SETX: variants seen among roughly 807,000 people sequenced by gnomAD.
SETX encodes the protein helicase senataxin.
In SETX, 90 loss-of-function variants were observed where a neutral mutation model predicts 227.2. The observed-to-expected ratio is 0.40, with a 90% CI of 0.33 to 0.47. SETX has a LOEUF of 0.47. Among genes scored for constraint, SETX ranks in the 20% least tolerant of loss-of-function variants. SETX has a pLI of 0.91. For synonymous variants in SETX, 1,210 were observed against 1,113.2 expected, an observed-to-expected ratio of 1.09 and a Z score of -1.73; for missense variants, 3,052 against 3,181.5, an observed-to-expected ratio of 0.96 and a Z score of 0.98.
rs565735333 is a variant in SETX, at chr9:132,334,792, T to G, written c.719-65A>C. 5 of 1,565,564 alleles carry G rather than the reference T, an allele frequency of 3.2e-6. No homozygotes were observed. The South Asian group carries it at 3.3e-5, about 10-fold the overall frequency. ...ATACTATACTAATGCCTGGTTTAGT[T>G]TGCAAAAGAATAACAAGGCAGGAAG... On this transcript the variant is annotated intron_variant, in intron 6 of 25. Coordinates refer to ENST00000224140, the MANE Select transcript of SETX (RefSeq NM_015046.7).
chr9:132,307,216 T>C (rs1219440579), intron 11 of SETX, among the ~76,000 whole-genome samples: 1 of 152,176 alleles, frequency 6.6e-6, no homozygotes, highest in African/African-American at 2.4e-5. Flanking sequence ...GATCAGCTAC[T>C]GCACTCCAGC....
chr9:132,270,203 T>C (rs1344585874), intron 24 of SETX, among the ~76,000 whole-genome samples: 1 of 149,982 alleles, frequency 6.7e-6, no homozygotes, highest in African/African-American at 2.5e-5. Context: ...AGCGTGCCCA[T>C]GTGAGACACA....
chr9:132,345,773 T>C (rs1282175250), intron 4 of SETX, among the ~76,000 whole-genome samples: 1 of 152,186 alleles, frequency 6.6e-6, no homozygotes, highest in East Asian at 1.9e-4. Flanking sequence ...TCCCAGCAAT[T>C]TGGGAAGCTG....
chr9:132,300,860 A>T, intron 11 of SETX, 57 bp from the exon 12 acceptor site: 1 of 1,461,402 alleles, frequency 6.8e-7, no homozygotes, highest in Non-Finnish European at 9.3e-7. Context: ...ATTTTAAATA[A>T]GATTAACTTA....
intron 5 of SETX, among the ~76,000 whole-genome samples, chr9:132,340,900 C>A (rs1847918792): frequency 1.3e-5 from 2 of 152,136 alleles, no homozygotes. Context: ...TCCCACAGCC[C>A]ATTTTATTCT....
chr9:132,335,126 C>T (rs1691800299), intron 6 of SETX, among the ~76,000 whole-genome samples: 1 of 151,796 alleles, frequency 6.6e-6, no homozygotes, highest in South Asian at 2.1e-4. Flanking sequence ...CGTGGTGGCT[C>T]ACACCTGTAA....
chr9:132,313,332 A>AT (rs1845779115), intron 10 of SETX, among the ~76,000 whole-genome samples: 1 of 152,224 alleles, frequency 6.6e-6, no homozygotes, highest in African/African-American at 2.4e-5. Flanking sequence ...TTTACCTGAG[A>AT]GTACCTAGAA....
At chr9:132,321,575 T>C (rs1846335242) in intron 10 of SETX, among the ~76,000 whole-genome samples, 1 of 145,430 alleles carries the variant, frequency 6.9e-6, no homozygotes, top group Admixed American at 7.4e-5. Flanking sequence ...GAGAATGGCA[T>C]GAACCCAGGA....
chr9:132,274,937 G>A (rs747878860), intron 23 of SETX: 1 of 329,568 alleles, frequency 3.0e-6, no homozygotes, highest in African/African-American at 2.1e-5. Flanking sequence ...TTTATTTAAA[G>A]TGAAATGTTA....
At chr9:132,272,190 G>A (rs1050648690) in intron 23 of SETX, among the ~76,000 whole-genome samples, 3 of 152,102 alleles carry the variant, frequency 2.0e-5, no homozygotes, top group African/African-American at 7.2e-5. Context: ...GTTTTTGACA[G>A]TCTAGCCTCA....
rs1388509819 is a variant in SETX at position 132,342,814 on chromosome 9, A to G, written c.389-15T>C. The G allele has an allele frequency of 1.9e-6, 3 of 1,543,996 alleles. No homozygotes were observed. Among genetic ancestry groups the G allele is most frequent in the African/African-American group, 2.7e-5 (2 of 73,538 alleles). ...ACATAACTCGTCTAAAAAGAAAAAA[A>G]TAAGTAAAATACATAAATCTTATCA... is the stretch of plus-strand genomic sequence containing the variant. On this transcript the variant is annotated splice_polypyrimidine_tract_variant and intron_variant, in intron 4 of 25. Coordinates refer to ENST00000224140, the MANE Select transcript of SETX (RefSeq NM_015046.7).
intron 23 of SETX, among the ~76,000 whole-genome samples, chr9:132,272,419 G>T: frequency 6.6e-6 from 1 of 151,856 alleles, no homozygotes; most frequent in South Asian, 2.1e-4. Context: ...AAAATGTTAG[G>T]ATTATAGATG....
chr9:132,329,322 G>C lies in SETX; in HGVS notation c.2276C>G (p.Ser759Cys), dbSNP rs1847068557. 2 of 1,613,680 alleles carry C rather than the reference G, an allele frequency of 1.2e-6. No individual in the cohort carries two copies. The highest frequency in any genetic ancestry group is 1.1e-5 in the South Asian group (1 of 91,024). The change falls in exon 10 of 26, where the codon TCC (serine) becomes TGC (cysteine). Residue 759 changes from serine to cysteine, a missense_variant. Ser to Cys is a moderately radical substitution (Grantham distance 112). Transcript: ENST00000224140. ...DSSTDALEKV[S>C]TSNEDFSLKD... is the part of the protein sequence containing the mutation. ...TAAAGAGAAATCTTCATTCGATGTG[G>C]ACACTTTTTCCAAAGCATCAGTGCT...
At position 132,329,094 on chromosome 9, in the gene SETX, T is replaced by C; in HGVS notation, c.2504A>G (p.Asp835Gly). 1 of 1,610,330 alleles carries C rather than the reference T, an allele frequency of 6.2e-7. No homozygotes were observed. The highest frequency in any genetic ancestry group is 8.5e-7 in the Non-Finnish European group (1 of 1,179,478). Residue 835 changes from aspartate to glycine, a missense_variant, in exon 10 of 26, where the codon GAT (aspartate) becomes GGT (glycine). Physicochemically the swap from Asp to Gly is moderately conservative, Grantham distance 94 (BLOSUM62 -1). Transcript: ENST00000224140. ...TAAAGAAAGATTGTGTATGAAACCA[T>C]CTCCTTTCTGAACTCCTGTATCTTT... is the stretch of plus-strand genomic sequence containing the variant. ...SRKDTGVQKG[D>G]GFIHNLSLDP...
At chr9:132,331,205 T>C in intron 8 of SETX, 66 bp from the exon 9 acceptor site, 1 of 1,606,494 alleles carries the variant, frequency 6.2e-7, no homozygotes, top group South Asian at 1.1e-5. Flanking sequence ...AAACACCTCT[T>C]GTTAAGTAAT....
At chr9:132,282,869 T>C (rs1007782742) in intron 19 of SETX, 6 of 311,620 alleles carry the variant, frequency 1.9e-5, no homozygotes, top group Non-Finnish European at 3.8e-5. Context: ...TGACAAACAG[T>C]ACGTACCCAA....
At chr9:132,336,646 G>C in intron 5 of SETX, 131 bp from the exon 6 acceptor site, 1 of 725,124 alleles carries the variant, frequency 1.4e-6, no homozygotes, top group Admixed American at 2.1e-5. Context: ...GCAATGTGTG[G>C]ACCTTATTTG....
chr9:132,264,905 T>TG lies in SETX; in HGVS notation c.7367_7368insC (p.Arg2456SerfsTer3). The TG allele has an allele frequency of 6.2e-7, 1 of 1,614,144 alleles. No homozygotes were observed. The highest frequency in any genetic ancestry group is 8.5e-7 in the Non-Finnish European group (1 of 1,180,008). On this transcript the variant is annotated frameshift_variant, in exon 26 of 26. Transcript: ENST00000224140. LOFTEE classifies it low-confidence loss of function (END_TRUNC). ...GTTTCAGAATCTTCACTGCATCATG[T>TG]CTATAGTTTTTGTCACAGGTCTTAA...
Position 132,328,930 on chromosome 9 carries a change from G to C in SETX, c.2668C>G (p.His890Asp). 2.5e-6 allele frequency: 4 copies of C among 1,612,660 alleles called. No individual in the cohort carries two copies. Among genetic ancestry groups the C allele is most frequent in the Non-Finnish European group, 3.4e-6 (4 of 1,179,668 alleles). The change falls in exon 10 of 26, where the codon CAT becomes GAT. Residue 890 changes from histidine to aspartate, a missense_variant. Physicochemically the swap from His to Asp is moderately conservative, Grantham distance 81 (BLOSUM62 -1). Transcript: ENST00000224140. The part of the protein sequence containing the change: ...HENNCKIQEF[H>D]VDGKELIPFT... ...GGGATCAATTCTTTACCATCAACAT[G>C]AAATTCCTGTATTTTACAATTGTTT...
Sources: gnomAD v4.1 joint callset for allele counts (sites outside exome capture counted in the v4.1 genomes callset) on GRCh38, gnomAD v4.1.1 for gene constraint, MANE v1.5 for transcripts, NCBI Gene and HGNC (gene_info 2026-07-23, HGNC 2026-07-21) for gene names.